DEGS2: variants seen among roughly 807,000 people sequenced by gnomAD.
DEGS2 encodes the protein sphingolipid delta(4)-desaturase/C4-monooxygenase DES2.
A neutral mutation model predicts 23.8 loss-of-function variants in DEGS2; 19 were observed. The ratio of observed to expected loss-of-function variants is 0.80; its 90% confidence interval spans 0.56 to 1.17. The LOEUF (loss-of-function observed/expected upper bound fraction) is 1.17. DEGS2 is among the 50% of genes most tolerant of loss of function. The pLI, the probability that DEGS2 is intolerant of heterozygous loss-of-function variation, is 0.00. For synonymous variants in DEGS2, 218 were observed against 213.7 expected, an observed-to-expected ratio of 1.02 and a Z score of -0.18; for missense variants, 390 against 459.5, an observed-to-expected ratio of 0.85 and a Z score of 1.38.
In DEGS2 at chr14:100,146,608, C is replaced by T; in HGVS notation, c.*153G>A. The T allele has an allele frequency of 8.9e-7, 1 of 1,124,204 alleles. No individual in the cohort carries two copies. The highest frequency in any genetic ancestry group is 1.3e-6 in the Non-Finnish European group (1 of 794,414). The allele number at this position is 1,124,204 out of a possible 1,614,324, so 69.6% of individuals were successfully genotyped here. A position where few individuals can be genotyped will look rare whatever the true frequency, so the allele number is the denominator to read the frequency against. ...CGTGCAGACGGAGCCCTGCAGCCCA[C>T]ACTGCTGTTGCCAGGTGTGGCTGCG... is the stretch of plus-strand genomic sequence containing the variant. On this transcript the variant is annotated 3_prime_UTR_variant, in exon 3 of 3. Coordinates refer to ENST00000305631, the MANE Select transcript of DEGS2 (RefSeq NM_206918.3).
At chr14:100,152,582 C>A (rs1393419510) in intron 1 of DEGS2, among the ~76,000 whole-genome samples, 1 of 152,186 alleles carries the variant, frequency 6.6e-6, no homozygotes, top group Non-Finnish European at 1.5e-5. Flanking sequence ...CTACTTCTCC[C>A]ACCACTTCCC....
upstream of DEGS2, among the ~76,000 whole-genome samples, chr14:100,160,709 T>C (rs1389008450): frequency 6.6e-6 from 1 of 152,190 alleles, no homozygotes; most frequent in Non-Finnish European, 1.5e-5. Flanking sequence ...GTGCGTCCCA[T>C]GGAAGTCCAT....
In DEGS2 at chr14:100,146,783, C is replaced by G. The variant is rs772234556; in HGVS notation, c.950G>C (p.Arg317Thr). 3 of 1,613,580 alleles carry G rather than the reference C, an allele frequency of 1.9e-6. No individual in the cohort carries two copies. The South Asian group carries it at 3.3e-5, about 18-fold the overall frequency. The change falls in exon 3 of 3, where the codon AGG becomes ACG. Residue 317 changes from arginine (R) to threonine (T), a missense_variant. Transcript: ENST00000305631. ...GPYARVKRVY[R>T]LAKDGL is the part of the protein sequence containing the mutation. ...GGCTCACAGACCATCTTTTGCCAGC[C>G]TGTACACCCGCTTCACCCTGGCATA...
chr14:100,149,497 G>C lies in DEGS2; in HGVS notation c.296C>G (p.Thr99Arg). ...HDISHNAAFGTGRAARNRWLA... is the reference protein window; with the variant it reads ...HDISHNAAFGRGRAARNRWLA... ...CCAGCGGTTGCGTGCCGCACGGCCCGTGCCGAAGGCCGCGTTGTGCGAGAT... is the reference window on the plus strand; with the variant it reads ...CCAGCGGTTGCGTGCCGCACGGCCCCTGCCGAAGGCCGCGTTGTGCGAGAT... Residue 99 changes from threonine (T) to arginine (R), a missense_variant, in exon 2 of 3, where the codon ACG (threonine) becomes AGG (arginine). Transcript: ENST00000305631. The C allele has an allele frequency of 1.3e-6, 2 of 1,599,680 alleles. No homozygotes were observed. Among genetic ancestry groups the C allele is most frequent in the Non-Finnish European group, 1.7e-6 (2 of 1,174,480 alleles).
chr14:100,146,334 T>C lies in DEGS2; in HGVS notation c.*427A>G. 5.6e-6 allele frequency: 1 copy of C among 177,504 alleles called. No individual in the cohort carries two copies. Among genetic ancestry groups the C allele is most frequent in the South Asian group, 1.3e-4 (1 of 7,684 alleles). The allele number at this position is 177,504 out of a possible 1,614,324, so 11.0% of individuals were successfully genotyped here. A position where few individuals can be genotyped will look rare whatever the true frequency, so the allele number is the denominator to read the frequency against. On this transcript the variant is annotated 3_prime_UTR_variant, in exon 3 of 3. Transcript: ENST00000305631. ...ACGAAGCGGCACTCAGGCCTCAAGC[T>C]CCACTCATCGGGGCGGCCCAGCGCC...
At chr14:100,161,760 T>C (rs1398665027), upstream of DEGS2, among the ~76,000 whole-genome samples, 1 of 152,192 alleles carries the variant, frequency 6.6e-6, no homozygotes, top group Non-Finnish European at 1.5e-5. Context: ...TCTGTAAATA[T>C]AAAGCTGTTC....
In DEGS2 at chr14:100,149,811, G is replaced by A. The variant is rs1308334272; in HGVS notation, c.83-101C>T. 10 of 1,295,650 alleles carry A rather than the reference G, an allele frequency of 7.7e-6. No individual in the cohort carries two copies. In the East Asian group the frequency reaches 2.1e-4, roughly 28 times the overall value. 80.3% of individuals were successfully genotyped at this position (1,295,650 alleles called of 1,614,324 possible). A position where few individuals can be genotyped will look rare whatever the true frequency, so the allele number is the denominator to read the frequency against. On this transcript the variant is annotated intron_variant, in intron 1 of 2. Coordinates refer to ENST00000305631, the MANE Select transcript of DEGS2 (RefSeq NM_206918.3). ...GGCCGAGGGGTGAGAAGGTGGGAGTGGCCAGCAAACCTCGCTGGTCCCTTT... is the reference window on the plus strand; with the variant it reads ...GGCCGAGGGGTGAGAAGGTGGGAGTAGCCAGCAAACCTCGCTGGTCCCTTT...
rs953501771 is a variant in DEGS2 at position 100,159,141 on chromosome 14, A to C, written c.82+365T>G. On this transcript the variant is annotated intron_variant, in intron 1 of 2. Coordinates refer to ENST00000305631, the MANE Select transcript of DEGS2 (RefSeq NM_206918.3). ...GCGTCGCGCAAGCTGCCTCCGCGCC[A>C]GGGAGCGCGTGCGCCTCGTAGCGCG... Among the ~76,000 whole-genome samples, 159 of 151,970 alleles carry C rather than the reference A, an allele frequency of 1.0e-3. 1 individual carries two copies. The highest frequency in any genetic ancestry group is 3.5e-3 in the African/African-American group (143 of 41,440).
upstream of DEGS2, chr14:100,160,247 G>A (rs1285179898): frequency 6.6e-6 from 1 of 152,318 alleles, no homozygotes; most frequent in African/African-American, 2.4e-5. Flanking sequence ...CTGCCTTCAG[G>A]GAACTTGAGT....
rs61183768 is a variant in DEGS2 at position 100,153,252 on chromosome 14, CAGATAGATAGATAGATAGATAGAT to C, written c.83-3566_83-3543del. 8.6e-3 allele frequency among the ~76,000 whole-genome samples: 1,265 copies of C among 147,548 alleles called. 13 individuals carry two copies. The highest frequency in any genetic ancestry group is 0.028 in the African/African-American group (1,117 of 39,638). ...GCCTGGGCGACAGTAATGGCAAAAA[CAGATAGATAGATAGATAGATAGAT>C]AGATAGATAGATAGATAGATAGATA... is the stretch of plus-strand genomic sequence containing the variant. On this transcript the variant is annotated intron_variant, in intron 1 of 2. Coordinates refer to ENST00000305631, the MANE Select transcript of DEGS2 (RefSeq NM_206918.3).
rs1889526725 is a variant in DEGS2, at chr14:100,149,543, G to A, written c.250C>T (p.Leu84=). ...YAFGGCVNHS[L]TLAIHDISHN... ...GAGATGTCGTGGATGGCCAGCGTCAGCGAGTGGTTCACGCAGCCACCAAAG... is the reference window on the plus strand; with the variant it reads ...GAGATGTCGTGGATGGCCAGCGTCAACGAGTGGTTCACGCAGCCACCAAAG... Residue 84 remains leucine, a synonymous_variant, in exon 2 of 3, where the codon CTG becomes TTG. Coordinates refer to ENST00000305631, the MANE Select transcript of DEGS2 (RefSeq NM_206918.3). 6.2e-7 allele frequency: 1 copy of A among 1,605,778 alleles called. No homozygotes were observed. The highest frequency in any genetic ancestry group is 8.5e-7 in the Non-Finnish European group (1 of 1,177,810).
At chr14:100,154,227 A>G (rs954633682) in intron 1 of DEGS2, among the ~76,000 whole-genome samples, 2 of 152,134 alleles carry the variant, frequency 1.3e-5, no homozygotes, top group Non-Finnish European at 2.9e-5. Flanking sequence ...CAGCTGGACA[A>G]GGTGGCGTGC....
At chr14:100,155,500 T>C (rs1889643087) in intron 1 of DEGS2, 1 of 152,282 alleles carries the variant, frequency 6.6e-6, no homozygotes, top group Admixed American at 6.5e-5. Flanking sequence ...AGTGTCCAGC[T>C]TCTCACCAGC....
Position 100,150,029 on chromosome 14 carries a change from C to T in DEGS2, c.83-319G>A, listed in dbSNP as rs546667156. Among the ~76,000 whole-genome samples, 461 of 152,356 alleles carry T rather than the reference C, an allele frequency of 3.0e-3. 3 individuals are homozygous for T. Among genetic ancestry groups the T allele is most frequent in the African/African-American group, 0.011 (440 of 41,580 alleles). ...CCCAGCAGGTCTGGGCCAGCGAAGACGATTCAGAGGCTGTGCCTTGATGCC... is the reference window on the plus strand; with the variant it reads ...CCCAGCAGGTCTGGGCCAGCGAAGATGATTCAGAGGCTGTGCCTTGATGCC... On this transcript the variant is annotated intron_variant, in intron 1 of 2. Coordinates refer to ENST00000305631, the MANE Select transcript of DEGS2 (RefSeq NM_206918.3).
intron 1 of DEGS2, among the ~76,000 whole-genome samples, chr14:100,151,616 A>C (rs1889573751): frequency 6.6e-6 from 1 of 152,202 alleles, no homozygotes; most frequent in South Asian, 2.1e-4. Flanking sequence ...AGGCCCAGAG[A>C]AGCTTTGCTG....
At chr14:100,154,537 T>C (rs1321987565) in intron 1 of DEGS2, among the ~76,000 whole-genome samples, 1 of 152,178 alleles carries the variant, frequency 6.6e-6, no homozygotes, top group East Asian at 1.9e-4. Flanking sequence ...TAGGGGCCTA[T>C]GGAGAAGAAG....
upstream of DEGS2, among the ~76,000 whole-genome samples, chr14:100,163,809 T>C (rs2140429003): frequency 6.6e-6 from 1 of 152,318 alleles, no homozygotes; most frequent in East Asian, 1.9e-4. Flanking sequence ...AACCTCTGCC[T>C]CCCGGGCTCA....
chr14:100,161,828 G>C (rs930852139), upstream of DEGS2, among the ~76,000 whole-genome samples: 3 of 152,146 alleles, frequency 2.0e-5, no homozygotes, highest in African/African-American at 7.2e-5. Context: ...CCAGCACTTT[G>C]GGAGGCTGAG....
upstream of DEGS2, chr14:100,160,098 T>C (rs1889728565): frequency 6.6e-6 from 1 of 152,378 alleles, no homozygotes; most frequent in Non-Finnish European, 1.5e-5. Context: ...GTGGAATGGA[T>C]GCGACGGTGC....
Sources: gnomAD v4.1 joint callset for allele counts (sites outside exome capture counted in the v4.1 genomes callset) on GRCh38, gnomAD v4.1.1 for gene constraint, MANE v1.5 for transcripts, NCBI Gene and HGNC (gene_info 2026-07-23, HGNC 2026-07-21) for gene names.